OTOA: variants seen among roughly 807,000 people sequenced by gnomAD.
OTOA encodes cancer/testis antigen 108.
Under a neutral mutation model 110.8 loss-of-function variants are expected in OTOA, and 70 were observed. The observed-to-expected ratio is 0.63, with a 90% CI of 0.52 to 0.77. The LOEUF is 0.77. Ranked by LOEUF, OTOA falls within the 30% of genes least tolerant of loss-of-function variation. The probability of loss-of-function intolerance (pLI) is 0.00; values close to 1 mark genes in which losing one functional copy is unlikely to be tolerated. For synonymous variants in OTOA, 373 were observed against 431.5 expected, an observed-to-expected ratio of 0.86 and a Z score of 1.68; for missense variants, 917 against 1,075.8, an observed-to-expected ratio of 0.85 and a Z score of 2.06.
At chr16:21,675,309 T>A in intron 1 of OTOA, among the ~76,000 whole-genome samples, 1 of 60,794 alleles carries the variant, frequency 1.6e-5, no homozygotes, top group Non-Finnish European at 3.5e-5. Context: ...ACCTGGCTAT[T>A]TTTTTTTTTT....
rs1383874599 is a variant in OTOA at position 21,701,021 on chromosome 16, T to C, written c.974T>C (p.Ile325Thr). 4 of 1,614,144 alleles carry C rather than the reference T, an allele frequency of 2.5e-6. No individual in the cohort carries two copies. The highest frequency in any genetic ancestry group is 1.7e-5 in the Admixed American group (1 of 60,008). ...TTTAACATGAGGAATACCTCCACCA[T>C]CCACAGGCAAGCGCATGAGCTCTGG... ...SNFNMRNTSTIHRLGLLVCFY... is the reference protein window; with the variant it reads ...SNFNMRNTSTTHRLGLLVCFY... The change falls in exon 11 of 29, where the codon ATC becomes ACC. Residue 325 changes from isoleucine to threonine, a missense_variant. Physicochemically the swap from Ile to Thr is moderately conservative, Grantham distance 89. This residue lies in a region of OTOA where 840 missense variants were observed against 910.2 expected (regional missense o/e 0.92). Transcript: ENST00000646100.
chr16:21,701,885 C>A (rs1259686530), intron 11 of OTOA, among the ~76,000 whole-genome samples: 1 of 150,518 alleles, frequency 6.6e-6, no homozygotes, highest in Non-Finnish European at 1.5e-5. Context: ...GGTCTGCCTG[C>A]CTTGGCCTCC....
chr16:21,697,689 G>A (rs1020051653), intron 9 of OTOA, 86 bp from the exon 10 acceptor site: 4 of 1,230,750 alleles, frequency 3.3e-6, no homozygotes, highest in Admixed American at 3.4e-5. Flanking sequence ...GGTCTTGACA[G>A]CAAAGATGCT....
In OTOA at chr16:21,704,951, TCATA is replaced by T. The variant is rs1597824447; in HGVS notation, c.981-217_981-214del. ...TGGACCATGCCATGTGGTGTCCACT[TCATA>T]ATTCAGCCCCCATTCCTTGGTCTCG... On this transcript the variant is annotated intron_variant, in intron 11 of 28. Transcript: ENST00000646100. 4.1e-5 allele frequency: 33 copies of T among 806,878 alleles called. 1 individual carries two copies. The East Asian group carries it at 7.7e-4, about 19-fold the overall frequency. 50.0% of individuals were successfully genotyped at this position (806,878 alleles called of 1,614,324 possible). A position where few individuals can be genotyped will look rare whatever the true frequency, so the allele number is the denominator to read the frequency against.
At chr16:21,719,652 C>T (rs1898669166) in intron 17 of OTOA, 148 bp downstream of exon 17, 12 of 810,660 alleles carry the variant, frequency 1.5e-5, no homozygotes, top group Non-Finnish European at 2.4e-5. Flanking sequence ...CAGGTTTTTT[C>T]CAGTTTCTTT....
chr16:21,759,670 G>A (rs561890988), intron 28 of OTOA, among the ~76,000 whole-genome samples: 3 of 152,102 alleles, frequency 2.0e-5, no homozygotes, highest in Admixed American at 2.0e-4. Flanking sequence ...GGAGGCTGAG[G>A]CAGGTGGATC....
Position 21,702,388 on chromosome 16 carries a change from A to G in OTOA, c.980+1361A>G, listed in dbSNP as rs537102512. 1.7e-3 allele frequency among the ~76,000 whole-genome samples: 266 copies of G among 152,276 alleles called. 1 individual carries two copies. The highest frequency in any genetic ancestry group is 5.6e-3 in the African/African-American group (231 of 41,556). On this transcript the variant is annotated intron_variant, in intron 11 of 28. Coordinates refer to ENST00000646100, the MANE Select transcript of OTOA (RefSeq NM_144672.4). ...GGAAACAATTACATCTGTTTCACCT[A>G]CCTTTAGTAATTTTCACTTATTAGC...
At chr16:21,732,429 C>T (rs1006591014) in intron 21 of OTOA, among the ~76,000 whole-genome samples, 15 of 151,804 alleles carry the variant, frequency 9.9e-5, no homozygotes, top group Non-Finnish European at 1.9e-4. Context: ...TTTTGGTGCA[C>T]CCATCACCTG....
intron 1 of OTOA, among the ~76,000 whole-genome samples, chr16:21,674,625 C>T (rs999596846): frequency 1.5e-4 from 22 of 150,468 alleles, no homozygotes; most frequent in African/African-American, 4.7e-4. Context: ...TGATTCACTG[C>T]GCCTGGCTTC....
intron 6 of OTOA, among the ~76,000 whole-genome samples, chr16:21,682,322 A>G (rs1424760213): frequency 6.6e-6 from 1 of 152,222 alleles, no homozygotes; most frequent in Admixed American, 6.5e-5. Flanking sequence ...TTCTGAGGAT[A>G]TGACGCAAGT....
chr16:21,727,865 T>TC (rs2141718610), intron 19 of OTOA, among the ~76,000 whole-genome samples: 1 of 151,408 alleles, frequency 6.6e-6, no homozygotes, highest in South Asian at 2.1e-4. Context: ...TCGGAACTTT[T>TC]TTTTTTTTTT....
In OTOA at chr16:21,687,476, G is replaced by GT; in HGVS notation, c.464dup (p.Asn156GlufsTer55). 6.2e-7 allele frequency: 1 copy of GT among 1,614,038 alleles called. No individual in the cohort carries two copies. Among genetic ancestry groups the GT allele is most frequent in the Non-Finnish European group, 8.5e-7 (1 of 1,180,004 alleles). On this transcript the variant is annotated frameshift_variant, in exon 8 of 29. Coordinates refer to ENST00000646100, the MANE Select transcript of OTOA (RefSeq NM_144672.4). LOFTEE classifies it high-confidence loss of function. Reference sequence around the variant, plus strand: ...AGAACGAGCCTTGCAGAGCCCTGGCGTGAACCGCAGCCTGTTTCTCATCAC... The same window carrying GT: ...AGAACGAGCCTTGCAGAGCCCTGGCGTTGAACCGCAGCCTGTTTCTCATCAC...
At chr16:21,704,436 G>A (rs886655161) in intron 11 of OTOA, among the ~76,000 whole-genome samples, 4 of 152,142 alleles carry the variant, frequency 2.6e-5, no homozygotes, top group East Asian at 1.9e-4. Flanking sequence ...CAGCTCCACC[G>A]ACTTGCCTTG....
At chr16:21,684,623 C>T (rs1319320757) in intron 6 of OTOA, 40 of 1,317,502 alleles carry the variant, frequency 3.0e-5, no homozygotes, top group African/African-American at 4.4e-5. Context: ...TGTCCCTTGG[C>T]TTGCCAATTA....
chr16:21,723,252 T>C (rs1279416251), intron 18 of OTOA, among the ~76,000 whole-genome samples: 3 of 152,306 alleles, frequency 2.0e-5, no homozygotes, highest in South Asian at 2.1e-4. Flanking sequence ...CCATCTGGCC[T>C]GGCTTTGCGG....
chr16:21,728,875 C>A (rs184426748), intron 20 of OTOA, among the ~76,000 whole-genome samples: 6 of 152,092 alleles, frequency 3.9e-5, no homozygotes, highest in Admixed American at 3.9e-4. Context: ...GCGTGAGTCA[C>A]CGCGCCTGGC....
chr16:21,711,622 C>A (rs766686972), intron 13 of OTOA, among the ~76,000 whole-genome samples: 3 of 152,196 alleles, frequency 2.0e-5, no homozygotes, highest in African/African-American at 7.2e-5. Context: ...GCACCCACCA[C>A]CACACCCAGC....
chr16:21,675,726 C>T (rs1235320203), intron 1 of OTOA, among the ~76,000 whole-genome samples: 2 of 151,668 alleles, frequency 1.3e-5, no homozygotes, highest in South Asian at 2.1e-4. Context: ...GGGTTTTTTT[C>T]GCACCTACCA....
intron 19 of OTOA, chr16:21,727,080 G>C (rs542389020): frequency 9.4e-6 from 2 of 212,760 alleles, no homozygotes; most frequent in Admixed American, 5.8e-5. Flanking sequence ...GCAGTAGCAC[G>C]ATCTCAGCTC....
Sources: gnomAD v4.1 joint callset for allele counts (sites outside exome capture counted in the v4.1 genomes callset) on GRCh38, gnomAD v4.1.1 for gene constraint, gnomAD v4.1.1 regional missense constraint, MANE v1.5 for transcripts, NCBI Gene and HGNC (gene_info 2026-07-23, HGNC 2026-07-21) for gene names.